The following PLCE1 variants were observed in gnomAD, a reference collection of about 807,000 sequenced individuals.
PLCE1 encodes the protein phospholipase C epsilon 1.
PLCE1 carries 119 observed loss-of-function variants against 242.8 expected under a neutral mutation model. The observed-to-expected ratio is 0.49, with a 90% CI of 0.42 to 0.57. The LOEUF (loss-of-function observed/expected upper bound fraction) is 0.57. PLCE1 is among the 20% of genes least tolerant of loss of function. PLCE1 has a pLI of 0.00. For synonymous variants in PLCE1, 945 were observed against 1,017.4 expected (o/e 0.93, Z 1.35); for missense variants, 2,441 against 2,788.8 (o/e 0.88, Z 2.81).
chr10:94,325,235 A>G, intron 32 of PLCE1, 131 bp downstream of exon 32: 1 of 696,980 alleles, frequency 1.4e-6, no homozygotes, highest in Non-Finnish European at 2.6e-6. Flanking sequence ...TAGGAATGGG[A>G]CCTTAAAACA....
chr10:94,284,901 AAGC>A lies in PLCE1; in HGVS notation c.4974_4976del (p.Ser1658del), dbSNP rs1342971217. On this transcript the variant is annotated inframe_deletion, in exon 22 of 33. Transcript: ENST00000371380. ...TTTATCTTGATCAGAATAAAAAGGA[AAGC>A]AGACAGATTGCACCAGAGCTTTCTG... 1 of 1,612,318 alleles carries A rather than the reference AAGC, an allele frequency of 6.2e-7. No individual in the cohort carries two copies. The highest frequency in any genetic ancestry group is 8.5e-7 in the Non-Finnish European group (1 of 1,178,590).
chr10:94,144,880 T>G (rs2047068822), intron 3 of PLCE1, among the ~76,000 whole-genome samples: 1 of 152,142 alleles, frequency 6.6e-6, no homozygotes, highest in Non-Finnish European at 1.5e-5. Context: ...GTTTTTAAAG[T>G]GTTACCTAAT....
At chr10:94,235,863 G>A (rs371788402) in intron 6 of PLCE1, 52 bp from the exon 7 acceptor site, 2 of 1,529,848 alleles carry the variant, frequency 1.3e-6, no homozygotes, top group African/African-American at 1.4e-5. Flanking sequence ...AGCCAAGTAT[G>A]TTATCCAGGC....
chr10:94,111,810 T>C (rs2045964141), intron 2 of PLCE1, among the ~76,000 whole-genome samples: 2 of 152,232 alleles, frequency 1.3e-5, no homozygotes. Context: ...TTGGATATTA[T>C]TTTGGCATTT....
At chr10:94,107,441 T>C (rs1404471069) in intron 2 of PLCE1, among the ~76,000 whole-genome samples, 1 of 152,154 alleles carries the variant, frequency 6.6e-6, no homozygotes, top group African/African-American at 2.4e-5. Flanking sequence ...GAGGAGGATG[T>C]GAGCAAAGTT....
At chr10:94,021,549 A>G (rs935275486) in intron 1 of PLCE1, among the ~76,000 whole-genome samples, 3 of 152,074 alleles carry the variant, frequency 2.0e-5, no homozygotes, top group Non-Finnish European at 2.9e-5. Context: ...TGAAAACTCA[A>G]TCGACCATAT....
At chr10:94,241,281 T>A (rs1418586856) in intron 7 of PLCE1, among the ~76,000 whole-genome samples, 1 of 152,188 alleles carries the variant, frequency 6.6e-6, no homozygotes, top group Non-Finnish European at 1.5e-5. Flanking sequence ...ACTATTTTTT[T>A]ATAATGCTTG....
At position 94,227,424 on chromosome 10, in the gene PLCE1, C is replaced by G; in HGVS notation, c.1928C>G (p.Ala643Gly). The change falls in exon 5 of 33, where the codon GCT (alanine) becomes GGT (glycine). Residue 643 changes from alanine to glycine, a missense_variant. By Grantham distance (60) the Ala-to-Gly change is moderately conservative. Coordinates refer to ENST00000371380, the MANE Select transcript of PLCE1 (RefSeq NM_016341.4). The part of the protein sequence containing the change: ...KCCWNMGNYN[A>G]VMEFLAGLRS... ...TGCTGGAACATGGGCAACTACAACG[C>G]TGTCATGGAGTTCTTGGCTGGCCTC... 1 of 1,614,066 alleles carries G rather than the reference C, an allele frequency of 6.2e-7. No homozygotes were observed. Among genetic ancestry groups the G allele is most frequent in the Non-Finnish European group, 8.5e-7 (1 of 1,179,960 alleles).
intron 11 of PLCE1, among the ~76,000 whole-genome samples, chr10:94,256,930 A>T (rs939453558): frequency 3.3e-5 from 5 of 152,174 alleles, no homozygotes; most frequent in Admixed American, 6.5e-5. Flanking sequence ...AATCAAAGGG[A>T]GATGGGTTCC....
chr10:94,226,946 A>G (rs1281173872), intron 4 of PLCE1, among the ~76,000 whole-genome samples: 1 of 149,418 alleles, frequency 6.7e-6, no homozygotes, highest in Non-Finnish European at 1.5e-5. Flanking sequence ...GCTCGCTGCA[A>G]CCTTCAACCT....
intron 3 of PLCE1, among the ~76,000 whole-genome samples, chr10:94,162,440 G>T (rs1318843758): frequency 1.3e-5 from 2 of 152,170 alleles, no homozygotes; most frequent in Non-Finnish European, 2.9e-5. Flanking sequence ...TAGTTTATTT[G>T]CATAGAGGTG....
chr10:94,002,535 T>G (rs192076734), intron 1 of PLCE1, among the ~76,000 whole-genome samples: 1 of 152,360 alleles, frequency 6.6e-6, no homozygotes, highest in Admixed American at 6.5e-5. Flanking sequence ...AAAAAAATCT[T>G]TAATCCAAAA....
At chr10:94,261,309 C>T (rs1050131573) in intron 13 of PLCE1, among the ~76,000 whole-genome samples, 4 of 152,158 alleles carry the variant, frequency 2.6e-5, no homozygotes, top group Non-Finnish European at 5.9e-5. Context: ...TTCCTTCCTC[C>T]GTGGCTTTTT....
intron 2 of PLCE1, among the ~76,000 whole-genome samples, chr10:94,095,590 T>C (rs1289774997): frequency 1.5e-4 from 23 of 152,158 alleles, no homozygotes; most frequent in Non-Finnish European, 1.5e-5. Context: ...TTAATAACAA[T>C]GATTGACATT....
chr10:94,320,016 A>C (rs1483534543), intron 29 of PLCE1, among the ~76,000 whole-genome samples: 1 of 151,894 alleles, frequency 6.6e-6, no homozygotes, highest in Non-Finnish European at 1.5e-5. Flanking sequence ...CTTAAAAATA[A>C]AGCTTAATGC....
rs775907880 is a variant in PLCE1 at position 94,308,640 on chromosome 10, T to C, written c.5944T>C (p.Phe1982Leu). 19 of 1,613,808 alleles carry C rather than the reference T, an allele frequency of 1.2e-5. No individual in the cohort carries two copies. The highest frequency in any genetic ancestry group is 1.6e-5 in the Non-Finnish European group (19 of 1,179,656). Residue 1982 changes from phenylalanine (F) to leucine (L), a missense_variant, in exon 27 of 33, where the codon TTC (phenylalanine) becomes CTC (leucine). This residue lies in a region of PLCE1 where 1,004 missense variants were observed against 1,322.7 expected (regional missense o/e 0.76). Coordinates refer to ENST00000371380, the MANE Select transcript of PLCE1 (RefSeq NM_016341.4). ...TGAAGTCTTGGAGATTTCTAGTTTA[T>C]TCATTAACAGCAGAAGGATGGAAGA... ...HNEVLEISSL[F>L]INSRRMEENS...
At chr10:94,000,139 G>A (rs1332971559) in intron 1 of PLCE1, among the ~76,000 whole-genome samples, 2 of 152,112 alleles carry the variant, frequency 1.3e-5, no homozygotes, top group African/African-American at 2.4e-5. Context: ...CTTATATACT[G>A]GGGCTCTGTT....
chr10:94,127,373 G>T lies in PLCE1; in HGVS notation c.1207-4801G>T, dbSNP rs112803925. ...GGATGGTTTCATTATGTGTCTGGCT[G>T]TTGGCAAGTTATCAGCCAAGGTGAC... On this transcript the variant is annotated intron_variant, in intron 2 of 32. Transcript: ENST00000371380. 5.5e-3 allele frequency among the ~76,000 whole-genome samples: 842 copies of T among 152,250 alleles called. 4 individuals carry two copies. The highest frequency in any genetic ancestry group is 7.5e-3 in the Non-Finnish European group (510 of 68,024).
chr10:94,081,357 T>G (rs1251479288), intron 2 of PLCE1, among the ~76,000 whole-genome samples: 1 of 152,238 alleles, frequency 6.6e-6, no homozygotes, highest in East Asian at 1.9e-4. Context: ...CTTTGTGATC[T>G]AATGAACATT....
Sources: gnomAD v4.1 joint callset for allele counts (sites outside exome capture counted in the v4.1 genomes callset) on GRCh38, gnomAD v4.1.1 for gene constraint, gnomAD v4.1.1 regional missense constraint, MANE v1.5 for transcripts, NCBI Gene and HGNC (gene_info 2026-07-23, HGNC 2026-07-21) for gene names.